Variants in TM2D2 observed in about 807,000 individuals in gnomAD.
TM2D2 encodes TM2 domain-containing protein 2.
Under a neutral mutation model 23.0 loss-of-function variants are expected in TM2D2, and 19 were observed. The ratio of observed to expected loss-of-function variants is 0.82; its 90% CI spans 0.58 to 1.21. The LOEUF (loss-of-function observed/expected upper bound fraction) is 1.21. Among genes scored for constraint, TM2D2 ranks in the 50% most tolerant of loss-of-function variants. The pLI is 0.00. For synonymous variants in TM2D2, 120 were observed against 108.8 expected, an observed-to-expected ratio of 1.10 and a Z score of -0.64; for missense variants, 246 against 265.4, an observed-to-expected ratio of 0.93 and a Z score of 0.51.
Position 38,996,448 on chromosome 8 carries a change from G to C in TM2D2, c.-9C>G, listed in dbSNP as rs1835799615. The C allele has an allele frequency of 6.2e-7, 1 of 1,613,610 alleles. No homozygotes were observed. The highest frequency in any genetic ancestry group is 1.3e-5 in the African/African-American group (1 of 74,924). ...CAACCACCTAGCACCATCTTCCCGG[G>C]CACAGGAGCGGAGACCCGGCCTCAA... On this transcript the variant is annotated 5_prime_UTR_variant, in exon 1 of 4. Transcript: ENST00000456397.
chr8:38,996,552 G>A (rs1379958454), upstream of TM2D2: 4 of 1,496,296 alleles, frequency 2.7e-6, no homozygotes, highest in African/African-American at 4.2e-5. Context: ...GCGTAGCCCC[G>A]CCAAACAGCC....
chr8:38,992,111 A>G (rs955001110), intron 3 of TM2D2, among the ~76,000 whole-genome samples: 3 of 152,092 alleles, frequency 2.0e-5, no homozygotes, highest in Non-Finnish European at 4.4e-5. Context: ...CTTCAGGAAG[A>G]GCAGTCTCTT....
At position 38,993,600 on chromosome 8, in the gene TM2D2, C is replaced by T. The variant is rs775764838; in HGVS notation, c.376G>A (p.Gly126Arg). ...HTSVQCHALD[G>R]IECASPRTFL... ...GTCCTAGGACTGGCACACTCAATTCCATCTAAGGCATGGCACTGGACTGAA... is the reference window on the plus strand; with the variant it reads ...GTCCTAGGACTGGCACACTCAATTCTATCTAAGGCATGGCACTGGACTGAA... Residue 126 changes from glycine (G) to arginine (R), a missense_variant, in exon 3 of 4, where the codon GGA (glycine) becomes AGA (arginine). Coordinates refer to ENST00000456397, the MANE Select transcript of TM2D2 (RefSeq NM_078473.3). 1.5e-5 allele frequency: 25 copies of T among 1,613,894 alleles called. No individual in the cohort carries two copies. The Middle Eastern group carries it at 4.9e-4, about 32-fold the overall frequency.
chr8:38,996,382 G>C lies in TM2D2; in HGVS notation c.58C>G (p.Leu20Val). The change falls in exon 1 of 4, where the codon CTG becomes GTG. Residue 20 changes from leucine (L) to valine (V), a missense_variant. Physicochemically the swap from Leu to Val is conservative, Grantham distance 32. This residue lies in a region of TM2D2 where 212 missense variants were observed against 202.2 expected (regional missense o/e 1.05). Coordinates refer to ENST00000456397, the MANE Select transcript of TM2D2 (RefSeq NM_078473.3). Reference sequence around the variant, plus strand: ...TGCAGCAGAAGTAAATTCCCCAGCAGCAAAGCCGCCTGGCCGCACAGAAGT... The same window carrying C: ...TGCAGCAGAAGTAAATTCCCCAGCACCAAAGCCGCCTGGCCGCACAGAAGT... ...YLLLCGQAAL[L>V]LGNLLLLHCV... 1 of 1,614,210 alleles carries C rather than the reference G, an allele frequency of 6.2e-7. No individual in the cohort carries two copies. The highest frequency in any genetic ancestry group is 8.5e-7 in the Non-Finnish European group (1 of 1,180,034).
At chr8:38,996,927 T>C (rs1414100258), upstream of TM2D2, 11 of 1,385,804 alleles carry the variant, frequency 7.9e-6, no homozygotes, top group East Asian at 2.6e-5. Flanking sequence ...GCCGCGCGCG[T>C]GCTCGTCGGG....
At chr8:38,995,044 A>G (rs1293995477) in intron 2 of TM2D2, 2 of 351,108 alleles carry the variant, frequency 5.7e-6, no homozygotes, top group Non-Finnish European at 1.0e-5. Context: ...GTCAGGGGTG[A>G]CATTTTAGTT....
intron 1 of TM2D2, among the ~76,000 whole-genome samples, 155 bp downstream of exon 1, chr8:38,996,058 G>A (rs554505239): frequency 6.6e-6 from 1 of 152,338 alleles, no homozygotes; most frequent in East Asian, 1.9e-4. Flanking sequence ...TGCACGGGCT[G>A]TGAGAAACCT....
chr8:38,996,696 T>G (rs1835815378), upstream of TM2D2: 44 of 1,420,680 alleles, frequency 3.1e-5, no homozygotes, highest in South Asian at 6.3e-4. Flanking sequence ...CTCCTTCTTT[T>G]GCGCCGAATG....
rs760680277 is a variant in TM2D2, at chr8:38,996,485, G to A, written c.-46C>T. On this transcript the variant is annotated 5_prime_UTR_variant, in exon 1 of 4. Transcript: ENST00000456397. ...AGACCCGGCCTCAACCACAACCCCA[G>A]GCCAGCAGCACAGACCCAAGAACTG... 5.0e-6 allele frequency: 8 copies of A among 1,611,006 alleles called. No individual in the cohort carries two copies. The highest frequency in any genetic ancestry group is 4.4e-5 in the South Asian group (4 of 90,892).
intron 1 of TM2D2, 163 bp from the exon 2 acceptor site, chr8:38,995,568 G>A: frequency 6.7e-7 from 1 of 1,493,442 alleles, no homozygotes; most frequent in South Asian, 1.4e-5. Flanking sequence ...CTGAAGCACA[G>A]CAGGTCAAAC....
At chr8:38,992,915 T>C (rs977816278) in intron 3 of TM2D2, among the ~76,000 whole-genome samples, 2 of 152,226 alleles carry the variant, frequency 1.3e-5, no homozygotes, top group Non-Finnish European at 2.9e-5. Flanking sequence ...TTACTAATCA[T>C]ACTCATAGAC....
upstream of TM2D2, chr8:38,996,886 G>C (rs966544757): frequency 1.4e-6 from 2 of 1,461,522 alleles, no homozygotes; most frequent in Non-Finnish European, 1.8e-6. Flanking sequence ...TGTCGGGAGC[G>C]AGCTCGGACC....
chr8:38,991,454 T>C lies in TM2D2; in HGVS notation c.523A>G (p.Thr175Ala), dbSNP rs1208584613. The change falls in exon 4 of 4, where the codon ACT (threonine) becomes GCT (alanine). Residue 175 changes from threonine to alanine, a missense_variant. Thr to Ala is a moderately conservative substitution (Grantham distance 58). Around this residue, in one of 2 missense-constraint regions of TM2D2, gnomAD observed 34 missense variants for 63.2 expected, o/e 0.54. Transcript: ENST00000456397. ...AGCGTCAACAGCTTCCCTACTGCAG[T>C]GCCAGTGTGTCCCAAACAGAATCGA... ...VDRFCLGHTG[T>A]AVGKLLTLGG... 1 of 1,613,526 alleles carries C rather than the reference T, an allele frequency of 6.2e-7. No homozygotes were observed. The highest frequency in any genetic ancestry group is 8.5e-7 in the Non-Finnish European group (1 of 1,179,662).
In TM2D2 at chr8:38,991,432, G is replaced by T; in HGVS notation, c.545C>A (p.Thr182Lys). The change falls in exon 4 of 4, where the codon ACG (threonine) becomes AAG (lysine). Residue 182 changes from threonine (T) to lysine (K), a missense_variant. Physicochemically the swap from Thr to Lys is moderately conservative, Grantham distance 78. This residue lies in a region of TM2D2 where 34 missense variants were observed against 63.2 expected (regional missense o/e 0.54). Transcript: ENST00000456397. ...HTGTAVGKLLTLGGLGIWWFV... is the reference protein window; with the variant it reads ...HTGTAVGKLLKLGGLGIWWFV... ...CCACCAAATCCCAAGTCCTCCAAGC[G>T]TCAACAGCTTCCCTACTGCAGTGCC... The T allele has an allele frequency of 1.2e-6, 2 of 1,614,112 alleles. No homozygotes were observed. Among genetic ancestry groups the T allele is most frequent in the Non-Finnish European group, 1.7e-6 (2 of 1,180,028 alleles).
chr8:38,995,483 G>T (rs551436528), intron 1 of TM2D2, 78 bp from the exon 2 acceptor site: 2 of 1,587,854 alleles, frequency 1.3e-6, no homozygotes, highest in East Asian at 2.3e-5. Flanking sequence ...TAATCAAAAC[G>T]GGCAAAAGAC....
chr8:38,994,463 TAATC>T (rs1376525229), intron 2 of TM2D2, among the ~76,000 whole-genome samples: 1 of 152,224 alleles, frequency 6.6e-6, no homozygotes, highest in Non-Finnish European at 1.5e-5. Flanking sequence ...ACTCAAACTT[TAATC>T]AATAATTATC....
At chr8:38,995,248 A>T (rs1564196480) in intron 2 of TM2D2, 70 bp downstream of exon 2, 1 of 1,142,720 alleles carries the variant, frequency 8.8e-7, no homozygotes, top group Non-Finnish European at 1.2e-6. Context: ...TTATACTTTT[A>T]TGTAATAGCA....
rs1835568317 is a variant in TM2D2, at chr8:38,990,408, A to G, written c.*924T>C. The G allele has an allele frequency of 6.6e-6, 1 of 152,222 alleles. No homozygotes were observed. The highest frequency in any genetic ancestry group is 1.5e-5 in the Non-Finnish European group (1 of 68,036). 9.4% of individuals were successfully genotyped at this position (152,222 alleles called of 1,614,324 possible). On this transcript the variant is annotated 3_prime_UTR_variant, in exon 4 of 4. Transcript: ENST00000456397. Reference sequence around the variant, plus strand: ...AACTGAGTTTTTAAAACCACTTACAATCTGGAACATTTCCTTTTATTCCTG... The same window carrying G: ...AACTGAGTTTTTAAAACCACTTACAGTCTGGAACATTTCCTTTTATTCCTG...
intron 2 of TM2D2, among the ~76,000 whole-genome samples, chr8:38,994,346 T>C (rs758840144): frequency 2.6e-4 from 39 of 152,202 alleles, no homozygotes; most frequent in Non-Finnish European, 5.1e-4. Flanking sequence ...TTATTACTAT[T>C]TTCATTGGCG....
Sources: gnomAD v4.1 joint callset for allele counts (sites outside exome capture counted in the v4.1 genomes callset) on GRCh38, gnomAD v4.1.1 for gene constraint, gnomAD v4.1.1 regional missense constraint, MANE v1.5 for transcripts, NCBI Gene and HGNC (gene_info 2026-07-23, HGNC 2026-07-21) for gene names.